Variants in DOCK2 observed in about 807,000 individuals in gnomAD.
DOCK2 encodes the protein dedicator of cytokinesis 2.
A neutral mutation model predicts 248.9 loss-of-function variants in DOCK2; 87 were observed. The ratio of observed to expected loss-of-function variants is 0.35; its 90% CI spans 0.29 to 0.42. The LOEUF (loss-of-function observed/expected upper bound fraction) is 0.42, where lower values mean the gene tolerates loss of function less well. Among genes scored for constraint, DOCK2 ranks in the 10% least tolerant of loss-of-function variants. DOCK2 has a pLI of 1.00. For synonymous variants in DOCK2, 805 were observed against 821.6 expected (o/e 0.98, Z 0.35); for missense variants, 1,747 against 2,300.2 (o/e 0.76, Z 4.92).
At chr5:169,744,084 T>C (rs1763472514) in intron 22 of DOCK2, among the ~76,000 whole-genome samples, 1 of 152,050 alleles carries the variant, frequency 6.6e-6, no homozygotes, top group Non-Finnish European at 1.5e-5. Flanking sequence ...AAGGAGCAGA[T>C]TGGATTCCCA....
chr5:169,743,293 GGGCATT>G (rs2113673979), intron 22 of DOCK2, among the ~76,000 whole-genome samples: 1 of 152,198 alleles, frequency 6.6e-6, no homozygotes, highest in South Asian at 2.1e-4. Flanking sequence ...TTTTATAGCT[GGGCATT>G]GGTGGCTTGT....
At chr5:169,830,369 T>C (rs1187159938) in intron 26 of DOCK2, among the ~76,000 whole-genome samples, 1 of 152,190 alleles carries the variant, frequency 6.6e-6, no homozygotes, top group East Asian at 1.9e-4. Context: ...TAAAATGGGG[T>C]AATACTTATC....
At chr5:169,810,556 G>A (rs1767674732) in intron 26 of DOCK2, among the ~76,000 whole-genome samples, 1 of 152,172 alleles carries the variant, frequency 6.6e-6, no homozygotes, top group South Asian at 2.1e-4. Context: ...GATACAAAAA[G>A]GTGGGTTGGT....
At chr5:169,930,692 T>G (rs1289147403) in intron 27 of DOCK2, among the ~76,000 whole-genome samples, 1 of 152,230 alleles carries the variant, frequency 6.6e-6, no homozygotes, top group Non-Finnish European at 1.5e-5. Context: ...GAATTATTAA[T>G]TTCAAGAAGG....
Position 169,974,648 on chromosome 5 carries a change from T to C in DOCK2, c.2800-8420T>C, listed in dbSNP as rs528924795. ...CTTAGGATCCTTATCCAGAGCTCCA[T>C]ACCCTAGCAATGCTCCTGGTTTTGA... On this transcript the variant is annotated intron_variant, in intron 27 of 51. Transcript: ENST00000520908. Among the ~76,000 whole-genome samples the C allele has an allele frequency of 3.3e-5, 5 of 152,266 alleles. No homozygotes were observed. The South Asian group carries it at 8.3e-4, about 25-fold the overall frequency.
At position 169,811,610 on chromosome 5, in the gene DOCK2, C is replaced by T. The variant is rs138121542; in HGVS notation, c.2703+8404C>T. On this transcript the variant is annotated intron_variant, in intron 26 of 51. Transcript: ENST00000520908. ...GGAGTTAGAAATGCCCTCCTGAGGC[C>T]AATGGCACAACTTCTATGGATGACT... Among the ~76,000 whole-genome samples, 143 of 152,296 alleles carry T rather than the reference C, an allele frequency of 9.4e-4. 1 individual carries two copies. The highest frequency in any genetic ancestry group is 3.2e-3 in the African/African-American group (133 of 41,550).
intron 23 of DOCK2, among the ~76,000 whole-genome samples, chr5:169,754,960 A>G (rs1450369493): frequency 2.6e-4 from 3 of 11,716 alleles, no homozygotes; most frequent in Non-Finnish European, 5.8e-4. Context: ...TATTTTTGAG[A>G]CAATGTTTCT....
chr5:169,926,591 A>G (rs1775474693), intron 27 of DOCK2, among the ~76,000 whole-genome samples: 1 of 152,230 alleles, frequency 6.6e-6, no homozygotes. Context: ...CAGCTCACTC[A>G]GGCAGGACAG....
intron 9 of DOCK2, among the ~76,000 whole-genome samples, chr5:169,691,000 G>T (rs1400245591): frequency 6.6e-6 from 1 of 152,156 alleles, no homozygotes; most frequent in Non-Finnish European, 1.5e-5. Context: ...TGGGTAATTT[G>T]TAAAGAAAAG....
At chr5:170,011,292 T>C (rs1410072828) in intron 32 of DOCK2, among the ~76,000 whole-genome samples, 1 of 152,212 alleles carries the variant, frequency 6.6e-6, no homozygotes, top group African/African-American at 2.4e-5. Context: ...TTCACTATTT[T>C]ACTAATGAGG....
Position 169,703,005 on chromosome 5 carries a change from A to G in DOCK2, c.1383+578A>G, listed in dbSNP as rs1049514412. Among the ~76,000 whole-genome samples, 21 of 152,332 alleles carry G rather than the reference A, an allele frequency of 1.4e-4. No homozygotes were observed. The Middle Eastern group carries it at 0.014, about 99-fold the overall frequency. ...AAGCGCATTGCTATATTTATACAGC[A>G]TATGTCCTGTCCAATATTTGTCATG... On this transcript the variant is annotated intron_variant, in intron 14 of 51. Coordinates refer to ENST00000520908, the MANE Select transcript of DOCK2 (RefSeq NM_004946.3).
intron 26 of DOCK2, among the ~76,000 whole-genome samples, chr5:169,836,842 A>T (rs901715405): frequency 6.6e-6 from 1 of 152,236 alleles, no homozygotes; most frequent in African/African-American, 2.4e-5. Context: ...AAAAATGAAA[A>T]AAAAAGGCCA....
chr5:169,783,834 T>A (rs1353757172), intron 25 of DOCK2, among the ~76,000 whole-genome samples: 1 of 152,246 alleles, frequency 6.6e-6, no homozygotes, highest in African/African-American at 2.4e-5. Flanking sequence ...TTCTTTCCAA[T>A]AAGCAAGCTT....
At chr5:169,738,043 G>A (rs1042338266) in intron 22 of DOCK2, among the ~76,000 whole-genome samples, 3 of 152,128 alleles carry the variant, frequency 2.0e-5, no homozygotes, top group African/African-American at 7.2e-5. Context: ...CTCTCTCCAG[G>A]TAGATAATGT....
chr5:169,785,792 T>C, intron 25 of DOCK2, among the ~76,000 whole-genome samples: 1 of 152,188 alleles, frequency 6.6e-6, no homozygotes, highest in Non-Finnish European at 1.5e-5. Flanking sequence ...CCCCTCTTCC[T>C]GTGGGCTTCT....
chr5:169,928,175 TGCCCC>T (rs1581430328), intron 27 of DOCK2, among the ~76,000 whole-genome samples: 1 of 152,270 alleles, frequency 6.6e-6, no homozygotes, highest in East Asian at 1.9e-4. Flanking sequence ...CTCATTGACT[TGCCCC>T]ACCCAAGGCC....
At chr5:170,032,389 G>C (rs889358996) in intron 34 of DOCK2, among the ~76,000 whole-genome samples, 3 of 152,130 alleles carry the variant, frequency 2.0e-5, no homozygotes, top group African/African-American at 7.2e-5. Flanking sequence ...ATAAAATACT[G>C]CTGCCTGGGT....
At chr5:169,816,202 G>T (rs1182427094) in intron 26 of DOCK2, among the ~76,000 whole-genome samples, 1 of 152,108 alleles carries the variant, frequency 6.6e-6, no homozygotes, top group Non-Finnish European at 1.5e-5. Context: ...GAGGGAGGAG[G>T]CGCCCTGTTT....
At chr5:169,911,284 G>A (rs186501658) in intron 27 of DOCK2, among the ~76,000 whole-genome samples, 4 of 152,150 alleles carry the variant, frequency 2.6e-5, no homozygotes, top group Non-Finnish European at 4.4e-5. Context: ...TCCTTATTAC[G>A]CCTCTGCTGC....
Sources: allele counts gnomAD v4.1 joint callset (sites outside exome capture counted in the v4.1 genomes callset), GRCh38; gene constraint gnomAD v4.1.1; transcripts MANE v1.5; gene names NCBI Gene and HGNC (gene_info 2026-07-23, HGNC 2026-07-21).